Variants in MAML3 observed in about 807,000 individuals in gnomAD.
The protein encoded by MAML3 is mastermind-like protein 3.
MAML3 carries 27 observed loss-of-function variants against 101.9 expected under a neutral mutation model. That is an observed-to-expected ratio of 0.27 (90% CI 0.20 to 0.37). The LOEUF (loss-of-function observed/expected upper bound fraction) is 0.37, where lower values mean the gene tolerates loss of function less well. Ranked by LOEUF, MAML3 falls within the 10% of genes least tolerant of loss-of-function variation. The pLI, the probability that MAML3 is intolerant of heterozygous loss-of-function variation, is 1.00. For synonymous variants in MAML3, 501 were observed against 555.9 expected, an observed-to-expected ratio of 0.90 and a Z score of 1.39; for missense variants, 1,316 against 1,444.9, an observed-to-expected ratio of 0.91 and a Z score of 1.45.
At chr4:139,769,801 G>A (rs988290435) in intron 2 of MAML3, among the ~76,000 whole-genome samples, 1 of 152,048 alleles carries the variant, frequency 6.6e-6, no homozygotes, top group African/African-American at 2.4e-5. Flanking sequence ...TTTTAGTAAA[G>A]ATGGGGTTTC....
chr4:139,789,390 G>A (rs1730362813), intron 2 of MAML3, among the ~76,000 whole-genome samples: 1 of 152,142 alleles, frequency 6.6e-6, no homozygotes, highest in Admixed American at 6.5e-5. Context: ...GAGTCTGGAA[G>A]AAGAGTAGTA....
rs180713870 is a variant in MAML3, at chr4:139,824,687, G to C, written c.2079+64670C>G. ...TAGTTTGTAAGTATCAAGCAAGACT[G>C]TTCAATAAATGACCTAGCAAATTAA... On this transcript the variant is annotated intron_variant, in intron 2 of 4. Coordinates refer to ENST00000509479, the MANE Select transcript of MAML3 (RefSeq NM_018717.5). Among the ~76,000 whole-genome samples, 355 of 152,322 alleles carry C rather than the reference G, an allele frequency of 2.3e-3. 1 individual carries two copies. The highest frequency in any genetic ancestry group is 7.8e-3 in the African/African-American group (324 of 41,560).
chr4:139,745,801 A>T (rs1343983855), intron 2 of MAML3, among the ~76,000 whole-genome samples: 1 of 152,228 alleles, frequency 6.6e-6, no homozygotes, highest in Non-Finnish European at 1.5e-5. Flanking sequence ...CTGGTTTTTG[A>T]CAGGGAGTAG....
rs185596339 is a variant in MAML3, at chr4:140,040,718, G to A, written c.468+112142C>T. Among the ~76,000 whole-genome samples the A allele has an allele frequency of 5.8e-4, 89 of 152,300 alleles. 1 individual carries two copies. Among genetic ancestry groups the A allele is most frequent in the African/African-American group, 2.0e-3 (83 of 41,572 alleles). On this transcript the variant is annotated intron_variant, in intron 1 of 4. Coordinates refer to ENST00000509479, the MANE Select transcript of MAML3 (RefSeq NM_018717.5). ...TTGCCATATTTATGTCTTTCCTACT[G>A]ACCTTATCTTGCCAGAGTAGGAGAA...
intron 1 of MAML3, among the ~76,000 whole-genome samples, chr4:140,001,064 CT>C (rs1055463894): frequency 3.3e-5 from 5 of 152,034 alleles, no homozygotes; most frequent in African/African-American, 1.2e-4. Flanking sequence ...AAGATTTGGC[CT>C]TTTTTTGCTT....
intron 2 of MAML3, among the ~76,000 whole-genome samples, chr4:139,772,240 CAAAAAAAAAAAA>C (rs1213721738): frequency 1.8e-3 from 71 of 39,270 alleles, no homozygotes; most frequent in Admixed American, 6.1e-3. Context: ...ACTCCGTTCT[CAAAAAAAAAAAA>C]AAAAAAAAAA....
chr4:140,030,707 A>G (rs1179062841), intron 1 of MAML3, among the ~76,000 whole-genome samples: 2 of 152,222 alleles, frequency 1.3e-5, no homozygotes, highest in East Asian at 3.9e-4. Flanking sequence ...CAGCTTGCGG[A>G]GATACAAGCA....
chr4:139,730,074 G>A (rs1728639950), intron 3 of MAML3, among the ~76,000 whole-genome samples: 1 of 152,170 alleles, frequency 6.6e-6, no homozygotes, highest in African/African-American at 2.4e-5. Flanking sequence ...TACGGCTTAT[G>A]GAGCATGTGA....
At chr4:140,022,945 A>T (rs1426360636) in intron 1 of MAML3, among the ~76,000 whole-genome samples, 16 of 152,214 alleles carry the variant, frequency 1.1e-4, no homozygotes, top group Non-Finnish European at 1.2e-4. Flanking sequence ...GACAGCACAG[A>T]GTAGCTTTTA....
chr4:139,962,170 T>C (rs139656092), intron 1 of MAML3, among the ~76,000 whole-genome samples: 1 of 152,204 alleles, frequency 6.6e-6, no homozygotes, highest in East Asian at 1.9e-4. Flanking sequence ...ATGGCTTATC[T>C]AAAGTGGTGA....
intron 2 of MAML3, among the ~76,000 whole-genome samples, chr4:139,778,406 A>T (rs1031557179): frequency 3.9e-5 from 6 of 152,142 alleles, no homozygotes; most frequent in African/African-American, 1.4e-4. Context: ...AGAGAATTTT[A>T]GGGGAGTTTC....
chr4:139,823,502 G>C (rs1339475328), intron 2 of MAML3, among the ~76,000 whole-genome samples: 1 of 152,162 alleles, frequency 6.6e-6, no homozygotes, highest in Admixed American at 6.5e-5. Context: ...GCTTCTGTGT[G>C]TCTGCATGTG....
chr4:140,073,683 G>C (rs1369008496), intron 1 of MAML3, among the ~76,000 whole-genome samples: 2 of 152,126 alleles, frequency 1.3e-5, no homozygotes, highest in Non-Finnish European at 2.9e-5. Context: ...AGCTTCTAAA[G>C]CTAGAAAAAA....
At chr4:139,868,989 G>A (rs540233632) in intron 2 of MAML3, among the ~76,000 whole-genome samples, 2 of 152,244 alleles carry the variant, frequency 1.3e-5, no homozygotes, top group South Asian at 2.1e-4. Context: ...TGCTGTTGAC[G>A]TTTAATTGCT....
intron 1 of MAML3, among the ~76,000 whole-genome samples, chr4:140,124,351 A>G (rs1196435324): frequency 6.6e-6 from 1 of 152,206 alleles, no homozygotes; most frequent in Non-Finnish European, 1.5e-5. Context: ...TATGCCCAAG[A>G]CAGAGCCATA....
At position 139,805,747 on chromosome 4, in the gene MAML3, G is replaced by T. The variant is rs375946523; in HGVS notation, c.2080-75080C>A. Among the ~76,000 whole-genome samples the T allele has an allele frequency of 4.3e-4, 65 of 152,228 alleles. No individual in the cohort carries two copies. The South Asian group carries it at 8.3e-3, about 19-fold the overall frequency. On this transcript the variant is annotated intron_variant, in intron 2 of 4. Coordinates refer to ENST00000509479, the MANE Select transcript of MAML3 (RefSeq NM_018717.5). ...TTAGGAATTTAATAAATTTTTTATA[G>T]TTATTCTGGAAAAATAAACTGGGAG...
chr4:139,765,255 G>A (rs1435107535), intron 2 of MAML3, among the ~76,000 whole-genome samples: 1 of 152,200 alleles, frequency 6.6e-6, no homozygotes, highest in Admixed American at 6.5e-5. Context: ...ACAAAAATAT[G>A]TATGCACATT....
chr4:140,053,723 G>A (rs1727307484), intron 1 of MAML3, among the ~76,000 whole-genome samples: 1 of 152,192 alleles, frequency 6.6e-6, no homozygotes. Flanking sequence ...AGGCTCTAAT[G>A]TAGGGAGAAA....
At chr4:139,804,811 T>A (rs1730675802) in intron 2 of MAML3, among the ~76,000 whole-genome samples, 1 of 152,316 alleles carries the variant, frequency 6.6e-6, no homozygotes, top group East Asian at 1.9e-4. Flanking sequence ...TGGGCTAAGG[T>A]CTGAAGTGTG....
Sources: allele counts gnomAD v4.1 joint callset (sites outside exome capture counted in the v4.1 genomes callset), GRCh38; gene constraint gnomAD v4.1.1; transcripts MANE v1.5; gene names NCBI Gene and HGNC (gene_info 2026-07-23, HGNC 2026-07-21).